The following NAV3 variants were observed in gnomAD, a reference collection of about 807,000 sequenced individuals.
NAV3 encodes the protein neuron navigator 3, also known as pore membrane and/or filament interacting like protein 1.
Under a neutral mutation model 244.7 loss-of-function variants are expected in NAV3, and 87 were observed. The ratio of observed to expected loss-of-function variants is 0.36; its 90% CI spans 0.30 to 0.42. The LOEUF (loss-of-function observed/expected upper bound fraction) is 0.42. Among genes scored for constraint, NAV3 ranks in the 20% least tolerant of loss-of-function variants. The pLI is 1.00. For synonymous variants in NAV3, 1,126 were observed against 1,042.2 expected, an observed-to-expected ratio of 1.08 and a Z score of -1.55; for missense variants, 2,663 against 2,893.3, an observed-to-expected ratio of 0.92 and a Z score of 1.83.
rs149689855 is a variant in NAV3, at chr12:77,806,624, G to A, written c.73-133695G>A. ...TTTAGAATAATTGCTATGTGGTGCT[G>A]AGAAGAATGTGTATTCTGTTGATTT... On this transcript the variant is annotated intron_variant, in intron 2 of 8. Coordinates refer to the NAV3 transcript ENST00000550042. Among the ~76,000 whole-genome samples the A allele has an allele frequency of 1.8e-4, 27 of 152,290 alleles. No homozygotes were observed. In the East Asian group the frequency reaches 2.5e-3, roughly 14 times the overall value.
intron 12 of NAV3, among the ~76,000 whole-genome samples, chr12:78,091,014 A>C (rs946039772): frequency 6.6e-6 from 1 of 151,574 alleles, no homozygotes; most frequent in Non-Finnish European, 1.5e-5. Flanking sequence ...ATGTCCAAAC[A>C]GATATAATTT....
chr12:77,762,100 A>G (rs1056920158), intron 2 of NAV3, among the ~76,000 whole-genome samples: 1 of 152,244 alleles, frequency 6.6e-6, no homozygotes, highest in African/African-American at 2.4e-5. Context: ...ATGCAGCCAT[A>G]AAAAAGGATG....
intron 31 of NAV3, among the ~76,000 whole-genome samples, chr12:78,187,109 A>G (rs1298335552): frequency 6.6e-6 from 1 of 151,970 alleles, no homozygotes. Flanking sequence ...ATTTCATAAC[A>G]ATAGTAACAA....
intron 1 of NAV3, among the ~76,000 whole-genome samples, chr12:77,875,122 AT>A (rs1881662483): frequency 6.6e-6 from 1 of 152,126 alleles, no homozygotes; most frequent in African/African-American, 2.4e-5. Context: ...AAAAGAAAAT[AT>A]TTTAAAAATA....
intron 8 of NAV3, among the ~76,000 whole-genome samples, chr12:78,011,518 A>G (rs1373354393): frequency 6.6e-6 from 1 of 152,170 alleles, no homozygotes; most frequent in Non-Finnish European, 1.5e-5. Flanking sequence ...AAGTTAAGAT[A>G]AGGGTAAGGC....
chr12:77,753,301 C>G (rs1868955260), intron 2 of NAV3, among the ~76,000 whole-genome samples: 1 of 152,118 alleles, frequency 6.6e-6, no homozygotes, highest in African/African-American at 2.4e-5. Context: ...ATTGTAGGCA[C>G]CTAATGCATT....
chr12:78,163,193 C>T (rs2139464426), intron 23 of NAV3, among the ~76,000 whole-genome samples: 1 of 151,806 alleles, frequency 6.6e-6, no homozygotes, highest in African/African-American at 2.4e-5. Context: ...AATCACATGG[C>T]ATTAATAGCC....
In NAV3 at chr12:78,119,870, C is replaced by T. The variant is rs2138637408; in HGVS notation, c.3674C>T (p.Ala1225Val). 6.2e-7 allele frequency: 1 copy of T among 1,614,168 alleles called. No homozygotes were observed. Among genetic ancestry groups the T allele is most frequent in the Non-Finnish European group, 8.5e-7 (1 of 1,180,026 alleles). Reference sequence around the variant, plus strand: ...TCCCCCAAATCCAGCCCCACCTCTGCCAGCGCCTGTGGTGCACAAGGTCTC... The same window carrying T: ...TCCCCCAAATCCAGCCCCACCTCTGTCAGCGCCTGTGGTGCACAAGGTCTC... The part of the protein sequence containing the change: ...SGSPKSSPTS[A>V]SACGAQGLRQ... Residue 1225 changes from alanine (A) to valine (V), a missense_variant, in exon 15 of 40, where the codon GCC (alanine) becomes GTC (valine). Physicochemically the swap from Ala to Val is moderately conservative, Grantham distance 64. This residue lies in a region of NAV3 where 1,521 missense variants were observed against 1,497.0 expected (regional missense o/e 1.02). Transcript: ENST00000397909.
intron 7 of NAV3, among the ~76,000 whole-genome samples, chr12:77,998,741 A>G (rs1338379901): frequency 6.6e-6 from 1 of 152,246 alleles, no homozygotes; most frequent in Non-Finnish European, 1.5e-5. Context: ...TTCCAAATGC[A>G]TGTAAATCAC....
intron 1 of NAV3, among the ~76,000 whole-genome samples, chr12:77,863,279 A>G (rs1403280482): frequency 6.6e-6 from 1 of 151,892 alleles, no homozygotes; most frequent in African/African-American, 2.4e-5. Context: ...ACTTATCTCA[A>G]GATTGTTACA....
In NAV3 at chr12:78,023,591, C is replaced by T. The variant is rs1022314661; in HGVS notation, c.2023+1729C>T. On this transcript the variant is annotated intron_variant, in intron 9 of 39. Coordinates refer to ENST00000397909, the MANE Select transcript of NAV3 (RefSeq NM_001024383.2). ...TGTCTAATTATGTCAATCTCACTATCATCTGTTTAAATGCAGCCTATAGTG... is the reference window on the plus strand; with the variant it reads ...TGTCTAATTATGTCAATCTCACTATTATCTGTTTAAATGCAGCCTATAGTG... Among the ~76,000 whole-genome samples the T allele has an allele frequency of 2.0e-5, 3 of 152,122 alleles. No homozygotes were observed. The East Asian group carries it at 5.8e-4, about 29-fold the overall frequency.
At chr12:78,034,392 C>T (rs1378764293) in intron 9 of NAV3, among the ~76,000 whole-genome samples, 1 of 152,194 alleles carries the variant, frequency 6.6e-6, no homozygotes, top group African/African-American at 2.4e-5. Flanking sequence ...AATACAAAGT[C>T]CCAGGACCCT....
At chr12:77,923,700 G>T (rs1402371877) in intron 1 of NAV3, among the ~76,000 whole-genome samples, 1 of 152,026 alleles carries the variant, frequency 6.6e-6, no homozygotes, top group Non-Finnish European at 1.5e-5. Context: ...AAGTTCCAAG[G>T]ACCCCAGCAG....
At chr12:77,620,711 C>G (rs113923303) in intron 2 of NAV3, among the ~76,000 whole-genome samples, 1 of 152,090 alleles carries the variant, frequency 6.6e-6, no homozygotes, top group Non-Finnish European at 1.5e-5. Context: ...ATCCACCCCC[C>G]TCAGCCTCCC....
intron 5 of NAV3, among the ~76,000 whole-genome samples, chr12:77,992,033 C>T (rs914324481): frequency 2.6e-5 from 4 of 151,216 alleles, no homozygotes; most frequent in East Asian, 1.9e-4. Flanking sequence ...AAAAAAAAAA[C>T]GAATATTTTA....
intron 2 of NAV3, among the ~76,000 whole-genome samples, 176 bp downstream of exon 2, chr12:77,940,612 C>T (rs900550825): frequency 2.6e-5 from 4 of 152,164 alleles, no homozygotes; most frequent in African/African-American, 7.2e-5. Flanking sequence ...GCAGTTTGGC[C>T]ATACTTTTAA....
At chr12:77,771,756 C>A (rs1870099390) in intron 2 of NAV3, among the ~76,000 whole-genome samples, 1 of 150,754 alleles carries the variant, frequency 6.6e-6, no homozygotes, top group South Asian at 2.1e-4. Flanking sequence ...CAATCCGGGG[C>A]TGTTGTGGGG....
At chr12:78,097,123 T>G (rs1399654994) in intron 12 of NAV3, among the ~76,000 whole-genome samples, 2 of 152,136 alleles carry the variant, frequency 1.3e-5, no homozygotes, top group African/African-American at 4.8e-5. Flanking sequence ...GGCAGTGTTT[T>G]AGACCTGGAG....
intron 2 of NAV3, among the ~76,000 whole-genome samples, chr12:77,590,196 C>A (rs1869843474): frequency 6.6e-6 from 1 of 152,156 alleles, no homozygotes; most frequent in Non-Finnish European, 1.5e-5. Context: ...GCACTCAGCA[C>A]TTTTGGTCAG....
Sources: gnomAD v4.1 joint callset for allele counts (sites outside exome capture counted in the v4.1 genomes callset) on GRCh38, gnomAD v4.1.1 for gene constraint, gnomAD v4.1.1 regional missense constraint, MANE v1.5 for transcripts, NCBI Gene and HGNC (gene_info 2026-07-23, HGNC 2026-07-21) for gene names.